RGS7: variants seen among roughly 807,000 people sequenced by gnomAD.
The protein encoded by RGS7 is regulator of G-protein signaling 7.
In RGS7, 27 loss-of-function variants were observed where a neutral mutation model predicts 81.1. The ratio of observed to expected loss-of-function variants is 0.33; its 90% confidence interval spans 0.25 to 0.46. RGS7 has a LOEUF of 0.46. Among genes scored for constraint, RGS7 ranks in the 20% least tolerant of loss-of-function variants. The pLI is 1.00. For missense variants in RGS7, 396 were observed against 607.4 expected, an observed-to-expected ratio of 0.65 and a Z score of 3.66; for synonymous variants, 208 against 207.7, an observed-to-expected ratio of 1.00 and a Z score of -0.01.
intron 2 of RGS7, among the ~76,000 whole-genome samples, chr1:241,325,660 G>A (rs2081447940): frequency 6.6e-6 from 1 of 152,122 alleles, no homozygotes; most frequent in African/African-American, 2.4e-5. Context: ...GAGACCATTT[G>A]GCAGACTCCA....
intron 15 of RGS7, among the ~76,000 whole-genome samples, chr1:240,803,909 C>A (rs1321550123): frequency 6.6e-6 from 1 of 151,198 alleles, no homozygotes; most frequent in African/African-American, 2.4e-5. Context: ...CTCCAGTTCT[C>A]TGGTCTTAAA....
chr1:241,177,561 A>C (rs1392296342), intron 2 of RGS7, among the ~76,000 whole-genome samples: 1 of 152,210 alleles, frequency 6.6e-6, no homozygotes, highest in East Asian at 1.9e-4. Context: ...TAATAGTATT[A>C]AAATAGGACT....
At chr1:241,179,742 A>G (rs1194615551) in intron 2 of RGS7, among the ~76,000 whole-genome samples, 2 of 152,232 alleles carry the variant, frequency 1.3e-5, no homozygotes, top group Non-Finnish European at 2.9e-5. Flanking sequence ...CCATGAAAAT[A>G]TAACATCACA....
At chr1:241,191,872 A>ATAGAGTTGT (rs1488974962) in intron 2 of RGS7, among the ~76,000 whole-genome samples, 2 of 152,200 alleles carry the variant, frequency 1.3e-5, no homozygotes, top group African/African-American at 4.8e-5. Context: ...ATTCATGTGT[A>ATAGAGTTGT]TAGAGTTGTT....
At chr1:241,294,486 C>T (rs775110312) in intron 2 of RGS7, among the ~76,000 whole-genome samples, 5 of 152,110 alleles carry the variant, frequency 3.3e-5, no homozygotes, top group African/African-American at 4.8e-5. Flanking sequence ...TCAAAAGCTA[C>T]AGTAAGCTAA....
chr1:240,881,334 C>G (rs993487757), intron 6 of RGS7, among the ~76,000 whole-genome samples: 1 of 141,600 alleles, frequency 7.1e-6, no homozygotes, highest in Non-Finnish European at 1.5e-5. Context: ...GAACATCACA[C>G]ACGGGGGGCC....
intron 3 of RGS7, among the ~76,000 whole-genome samples, chr1:241,033,411 T>C (rs1572372154): frequency 6.6e-6 from 1 of 152,060 alleles, no homozygotes; most frequent in East Asian, 1.9e-4. Flanking sequence ...AATAAGTCTC[T>C]ATTATATATT....
chr1:240,891,772 C>T (rs549894169), intron 6 of RGS7, among the ~76,000 whole-genome samples: 49 of 152,186 alleles, frequency 3.2e-4, no homozygotes, highest in Admixed American at 9.8e-4. Context: ...GGATAACCCC[C>T]ATGACTTTGC....
intron 9 of RGS7, among the ~76,000 whole-genome samples, chr1:240,847,775 A>G (rs1161586042): frequency 6.6e-6 from 1 of 152,238 alleles, no homozygotes; most frequent in Non-Finnish European, 1.5e-5. Context: ...TAAGAAGCCT[A>G]GTACACGCCA....
chr1:240,862,880 C>T (rs1158867587), intron 9 of RGS7, among the ~76,000 whole-genome samples: 1 of 151,520 alleles, frequency 6.6e-6, no homozygotes, highest in Admixed American at 6.6e-5. Context: ...TAAGACCCTA[C>T]TTTCTTATCT....
Position 240,806,308 on chromosome 1 carries a change from C to T in RGS7, c.1101G>A (p.Glu367=). ...SENLRFWLAV[E]DLKKRPIKEV... is the part of the protein sequence containing the mutation. Reference sequence around the variant, plus strand: ...CTTTAATAGGCCTCTTTTTCAGGTCCTCCACTGCCAGCCAGAATCTATGCA... The same window carrying T: ...CTTTAATAGGCCTCTTTTTCAGGTCTTCCACTGCCAGCCAGAATCTATGCA... The change falls in exon 15 of 19, where the codon GAG becomes GAA. Residue 367 remains glutamate, a synonymous_variant. Coordinates refer to ENST00000440928, the MANE Select transcript of RGS7 (RefSeq NM_001364886.1). 16 of 1,613,886 alleles carry T rather than the reference C, an allele frequency of 9.9e-6. No individual in the cohort carries two copies. The highest frequency in any genetic ancestry group is 1.4e-5 in the Non-Finnish European group (16 of 1,179,892).
rs114763585 is a variant in RGS7 at position 241,334,978 on chromosome 1, A to G, written c.78+20721T>C. Among the ~76,000 whole-genome samples, 1,134 of 152,322 alleles carry G rather than the reference A, an allele frequency of 7.4e-3. 9 individuals carry two copies. The highest frequency in any genetic ancestry group is 0.011 in the Admixed American group (168 of 15,300). ...AGTTTAATGTTCTGAACAATCAAAA[A>G]TAATATCCATGGGGCAATTAATTTC... is the stretch of plus-strand genomic sequence containing the variant. On this transcript the variant is annotated intron_variant, in intron 2 of 18. Coordinates refer to ENST00000440928, the MANE Select transcript of RGS7 (RefSeq NM_001364886.1).
chr1:241,257,902 G>A (rs990103794), intron 2 of RGS7, among the ~76,000 whole-genome samples: 2 of 152,078 alleles, frequency 1.3e-5, no homozygotes, highest in African/African-American at 4.8e-5. Flanking sequence ...TATTGTCATT[G>A]AAGATTTAAA....
chr1:241,321,988 A>G (rs1323478751), intron 2 of RGS7, among the ~76,000 whole-genome samples: 1 of 152,132 alleles, frequency 6.6e-6, no homozygotes, highest in Non-Finnish European at 1.5e-5. Context: ...TTCTCTGAGC[A>G]TTCAGAGAAC....
At chr1:241,106,339 C>T (rs1041400057) in intron 2 of RGS7, among the ~76,000 whole-genome samples, 14 of 152,026 alleles carry the variant, frequency 9.2e-5, no homozygotes, top group African/African-American at 1.4e-4. Flanking sequence ...CATGAATAAT[C>T]GACTAAAAAT....
chr1:240,795,315 C>T (rs34833519), intron 18 of RGS7, among the ~76,000 whole-genome samples: 80,433 of 151,976 alleles, frequency 0.53, 23,641 homozygotes, highest in Non-Finnish European at 0.66. Flanking sequence ...ATATGTTTCC[C>T]GGAAAGTAGC....
intron 3 of RGS7, among the ~76,000 whole-genome samples, chr1:241,060,787 T>A (rs2061700902): frequency 6.6e-6 from 1 of 152,160 alleles, no homozygotes; most frequent in Non-Finnish European, 1.5e-5. Flanking sequence ...CAAGACTACC[T>A]CAGCACAGAT....
At chr1:241,087,018 T>C (rs1399301356) in intron 3 of RGS7, among the ~76,000 whole-genome samples, 1 of 152,174 alleles carries the variant, frequency 6.6e-6, no homozygotes, top group African/African-American at 2.4e-5. Context: ...ACCTCTATTG[T>C]GGAAATTATC....
intron 3 of RGS7, among the ~76,000 whole-genome samples, chr1:241,069,079 C>T (rs1002571632): frequency 2.6e-5 from 4 of 152,156 alleles, no homozygotes; most frequent in African/African-American, 7.2e-5. Context: ...GCTTCCTCTA[C>T]AGCCTGCAGA....
Sources: allele counts gnomAD v4.1 joint callset (sites outside exome capture counted in the v4.1 genomes callset), GRCh38; gene constraint gnomAD v4.1.1; transcripts MANE v1.5; gene names NCBI Gene and HGNC (gene_info 2026-07-23, HGNC 2026-07-21).